The following FAM83F variants were observed in gnomAD, a reference collection of about 807,000 sequenced individuals.
The protein encoded by FAM83F is scaffolding CK1 anchoring protein F.
Under a neutral mutation model 42.9 loss-of-function variants are expected in FAM83F, and 45 were observed. The ratio of observed to expected loss-of-function variants is 1.05; its 90% CI spans 0.83 to 1.35. The LOEUF (loss-of-function observed/expected upper bound fraction) is 1.35, where lower values mean the gene tolerates loss of function less well. FAM83F is among the 40% of genes most tolerant of loss of function. The pLI, the probability that FAM83F is intolerant of heterozygous loss-of-function variation, is 0.00. For synonymous variants in FAM83F, 306 were observed against 298.3 expected, an observed-to-expected ratio of 1.03 and a Z score of -0.27; for missense variants, 617 against 695.9, an observed-to-expected ratio of 0.89 and a Z score of 1.28.
Position 40,033,608 on chromosome 22 carries a change from C to T in FAM83F, c.*4043C>T, listed in dbSNP as rs2067602891. 6.6e-6 allele frequency: 1 copy of T among 152,262 alleles called. No individual in the cohort carries two copies. Among genetic ancestry groups the T allele is most frequent in the East Asian group, 1.9e-4 (1 of 5,198 alleles). The allele number at this position is 152,262 out of a possible 1,614,324, so 9.4% of individuals were successfully genotyped here. On this transcript the variant is annotated 3_prime_UTR_variant, in exon 5 of 5. Transcript: ENST00000333407. ...TTCCACCTACTAAATGCCACTAGCA[C>T]TCCTTCAGATGAGACCACCAAAAAT... is the stretch of plus-strand genomic sequence containing the variant.
In FAM83F at chr22:40,040,404, C is replaced by T. The variant is rs553611050; in HGVS notation, c.*10839C>T. The T allele has an allele frequency of 1.3e-5, 2 of 152,258 alleles. No homozygotes were observed. The highest frequency in any genetic ancestry group is 2.1e-4 in the South Asian group (1 of 4,822). 9.4% of individuals were successfully genotyped at this position (152,258 alleles called of 1,614,324 possible). A position where few individuals can be genotyped will look rare whatever the true frequency, so the allele number is the denominator to read the frequency against. ...TAACAGCCATAATCCACGTAAAGCC[C>T]TCAGTACAGTGTATGACACACAGCA... On this transcript the variant is annotated 3_prime_UTR_variant, in exon 5 of 5. Transcript: ENST00000333407.
At chr22:40,011,006 T>C (rs2067460146) in intron 1 of FAM83F, among the ~76,000 whole-genome samples, 1 of 152,202 alleles carries the variant, frequency 6.6e-6, no homozygotes, top group Non-Finnish European at 1.5e-5. Flanking sequence ...AAGAGCTGAT[T>C]GTGCACTTTA....
Position 39,995,302 on chromosome 22 carries a change from GCAAGGC to G in FAM83F, c.274_279del (p.Lys92_Ala93del), listed in dbSNP as rs752114815. ...CCCGCCGCCAACGCCCGGGGCAAGA[GCAAGGC>G]CAAGGCCAAGGCCCCCGCGCCGGCG... On this transcript the variant is annotated inframe_deletion, in exon 1 of 5. Coordinates refer to ENST00000333407, the MANE Select transcript of FAM83F (RefSeq NM_138435.4). The surrounding 1 kb of genome is among the most constrained non-coding windows in gnomAD (Gnocchi z 4.6). The G allele has an allele frequency of 1.1e-5, 17 of 1,537,512 alleles. No individual in the cohort carries two copies. Among genetic ancestry groups the G allele is most frequent in the East Asian group, 7.3e-5 (3 of 40,842 alleles).
Position 39,995,508 on chromosome 22 carries a change from C to A in FAM83F, c.466C>A (p.Gln156Lys), listed in dbSNP as rs1297327891. The A allele has an allele frequency of 9.5e-6, 15 of 1,573,830 alleles. No homozygotes were observed. In the Admixed American group the frequency reaches 2.2e-4, roughly 23 times the overall value. Reference protein sequence around the residue: ...KAPHLKQVVRQMIQQAQKVIA... With the variant: ...KAPHLKQVVRKMIQQAQKVIA... ...GCCGCACCTCAAGCAGGTGGTCAGG[C>A]AGATGATCCAACAGGCCCAGAAGGT... Residue 156 changes from glutamine to lysine, a missense_variant, in exon 1 of 5, where the codon CAG becomes AAG. Transcript: ENST00000333407. The surrounding 1 kb of genome is among the most constrained non-coding windows in gnomAD (Gnocchi z 4.6).
At chr22:39,998,953 T>A (rs756605401) in intron 1 of FAM83F, 1 of 152,170 alleles carries the variant, frequency 6.6e-6, no homozygotes, top group Admixed American at 6.5e-5. Context: ...TGGGAAACTC[T>A]TGGTTCTTAT....
Position 40,032,198 on chromosome 22 carries a change from C to T in FAM83F, c.*2633C>T, listed in dbSNP as rs1407220639. 1.4e-5 allele frequency: 2 copies of T among 145,084 alleles called. No homozygotes were observed. The highest frequency in any genetic ancestry group is 2.5e-5 in the African/African-American group (1 of 40,264). 9.0% of individuals were successfully genotyped at this position (145,084 alleles called of 1,614,324 possible). A position where few individuals can be genotyped will look rare whatever the true frequency, so the allele number is the denominator to read the frequency against. On this transcript the variant is annotated 3_prime_UTR_variant, in exon 5 of 5. Transcript: ENST00000333407. ...CCCACCCCACACCACCACCAAGCTGCTGTCTTTCTGAGTCAGCTTCTGTAG... is the reference window on the plus strand; with the variant it reads ...CCCACCCCACACCACCACCAAGCTGTTGTCTTTCTGAGTCAGCTTCTGTAG...
rs529749049 is a variant in FAM83F, at chr22:40,023,317, C to G, written c.1453+1354C>G. Among the ~76,000 whole-genome samples, 3 of 152,082 alleles carry G rather than the reference C, an allele frequency of 2.0e-5. No homozygotes were observed. The highest frequency in any genetic ancestry group is 2.0e-4 in the Admixed American group (3 of 15,288). On this transcript the variant is annotated intron_variant, in intron 4 of 4. Transcript: ENST00000333407. The surrounding 1 kb of genome is among the most constrained non-coding windows in gnomAD (Gnocchi z 4.1). ...AGGGGTGGCTGGCCCCATCCCCATT[C>G]CTCCTGGGCTCCCTGGCTCCCCTAA...
intron 4 of FAM83F, among the ~76,000 whole-genome samples, chr22:40,029,071 T>C (rs2067571511): frequency 6.8e-6 from 1 of 146,016 alleles, no homozygotes; most frequent in Admixed American, 7.0e-5. Flanking sequence ...GAGCGGCCTC[T>C]TGGCTAGACG....
rs185056266 is a variant in FAM83F at position 40,019,260 on chromosome 22, C to T, written c.582C>T (p.Ile194=). Residue 194 remains isoleucine (I), a synonymous_variant, in exon 2 of 5, where the codon ATC becomes ATT. Coordinates refer to ENST00000333407, the MANE Select transcript of FAM83F (RefSeq NM_138435.4). ...AACKRRVPVY[I]ILDEAGVKYF... ...GTAAGCGCCGGGTCCCAGTGTACAT[C>T]ATCCTGGACGAGGCAGGAGTGAAGT... The T allele has an allele frequency of 1.5e-5, 24 of 1,614,198 alleles. No individual in the cohort carries two copies. In the East Asian group the frequency reaches 3.1e-4, roughly 21 times the overall value.
intron 2 of FAM83F, among the ~76,000 whole-genome samples, chr22:40,019,626 G>T (rs2067508932): frequency 2.0e-5 from 3 of 152,206 alleles, no homozygotes; most frequent in Non-Finnish European, 4.4e-5. Context: ...CAAAGTGAGG[G>T]CTGTTGTTCT....
chr22:40,027,030 C>A (rs1250864703), intron 4 of FAM83F, among the ~76,000 whole-genome samples: 1 of 152,120 alleles, frequency 6.6e-6, no homozygotes, highest in Non-Finnish European at 1.5e-5. Context: ...TGCTCTGTGC[C>A]AGGCCCTGCT....
rs570808507 is a variant in FAM83F, at chr22:40,023,347, A to AGCTGCTGCTGCTGCT, written c.1453+1391_1453+1405dup. On this transcript the variant is annotated intron_variant, in intron 4 of 4. Coordinates refer to ENST00000333407, the MANE Select transcript of FAM83F (RefSeq NM_138435.4). The surrounding 1 kb of genome is among the most constrained non-coding windows in gnomAD (Gnocchi z 4.1). The stretch of plus-strand genomic sequence containing the variant: ...TGGGCTCCCTGGCTCCCCTAACACC[A>AGCTGCTGCTGCTGCT]GCTGCTGCTGCTGCTGCTGCTCCTG... Among the ~76,000 whole-genome samples, 1 of 136,420 alleles carries AGCTGCTGCTGCTGCT rather than the reference A, an allele frequency of 7.3e-6. No homozygotes were observed. Among genetic ancestry groups the AGCTGCTGCTGCTGCT allele is most frequent in the Admixed American group, 6.9e-5 (1 of 14,466 alleles). 89.5% of individuals were successfully genotyped at this position (136,420 alleles called of 152,430 possible). A position where few individuals can be genotyped will look rare whatever the true frequency, so the allele number is the denominator to read the frequency against.
intron 1 of FAM83F, among the ~76,000 whole-genome samples, chr22:40,017,225 C>CTTTTTT (rs59308005): frequency 5.2e-5 from 6 of 115,580 alleles, no homozygotes; most frequent in African/African-American, 6.9e-5. Context: ...TCAGCACTTT[C>CTTTTTT]TTTTTTTTTT....
rs765878548 is a variant in FAM83F at position 40,032,847 on chromosome 22, G to A, written c.*3282G>A. 11 of 152,052 alleles carry A rather than the reference G, an allele frequency of 7.2e-5. No homozygotes were observed. The highest frequency in any genetic ancestry group is 2.7e-4 in the African/African-American group (11 of 41,372). 9.4% of individuals were successfully genotyped at this position (152,052 alleles called of 1,614,324 possible). On this transcript the variant is annotated 3_prime_UTR_variant, in exon 5 of 5. Transcript: ENST00000333407. ...GCCTCCCAAAGTGCTGGGATTACAG[G>A]CCACCGTACCCGGCCAGGCTATTTT...
Position 40,021,234 on chromosome 22 carries a change from G to A in FAM83F, c.780-56G>A. Reference sequence around the variant, plus strand: ...GGAGGGGCAGGTGGGGGCGGGGGCAGGGCAAGAGAGAGGCCTGGGCACATG... The same window carrying A: ...GGAGGGGCAGGTGGGGGCGGGGGCAAGGCAAGAGAGAGGCCTGGGCACATG... On this transcript the variant is annotated intron_variant, in intron 3 of 4. Coordinates refer to ENST00000333407, the MANE Select transcript of FAM83F (RefSeq NM_138435.4). This position sits in a 1 kb window ranked among gnomAD's most constrained non-coding sequence, Gnocchi z 8.7. The A allele has an allele frequency of 6.7e-7, 1 of 1,494,788 alleles. No individual in the cohort carries two copies. Among genetic ancestry groups the A allele is most frequent in the South Asian group, 1.3e-5 (1 of 74,174 alleles). The allele number at this position is 1,494,788 out of a possible 1,614,324, so 92.6% of individuals were successfully genotyped here. A position where few individuals can be genotyped will look rare whatever the true frequency, so the allele number is the denominator to read the frequency against.
rs916924093 is a variant in FAM83F, at chr22:40,000,811, C to G, written c.489+5280C>G. ...CCTTCCATCTAAGGGGGACAATTGA[C>G]TTTATCTAGAAGCTCGTAAGCTGCC... On this transcript the variant is annotated intron_variant, in intron 1 of 4. Transcript: ENST00000333407. Among the ~76,000 whole-genome samples the G allele has an allele frequency of 3.3e-5, 5 of 152,148 alleles. 1 individual carries two copies. Among genetic ancestry groups the G allele is most frequent in the Non-Finnish European group, 7.3e-5 (5 of 68,040 alleles).
rs2146252885 is a variant in FAM83F at position 40,039,092 on chromosome 22, C to A, written c.*9527C>A. The A allele has an allele frequency of 6.6e-6, 1 of 152,246 alleles. No homozygotes were observed. Among genetic ancestry groups the A allele is most frequent in the South Asian group, 2.1e-4 (1 of 4,822 alleles). The allele number at this position is 152,246 out of a possible 1,614,324, so 9.4% of individuals were successfully genotyped here. A position where few individuals can be genotyped will look rare whatever the true frequency, so the allele number is the denominator to read the frequency against. On this transcript the variant is annotated 3_prime_UTR_variant, in exon 5 of 5. Coordinates refer to ENST00000333407, the MANE Select transcript of FAM83F (RefSeq NM_138435.4). ...CCCATGCTTTCATTTTCCACTTAGT[C>A]CTGCCTGGCATAGTATGCAGTTTTT...
intron 1 of FAM83F, among the ~76,000 whole-genome samples, chr22:40,013,174 ATTCT>A: frequency 6.6e-6 from 1 of 150,810 alleles, no homozygotes; most frequent in South Asian, 2.1e-4. Flanking sequence ...CATTTAAGAG[ATTCT>A]TTCTTACCCC....
intron 1 of FAM83F, among the ~76,000 whole-genome samples, chr22:40,018,451 A>T (rs1021802357): frequency 1.3e-5 from 2 of 151,570 alleles, no homozygotes; most frequent in African/African-American, 2.4e-5. Flanking sequence ...CATTTTATTT[A>T]TTTATTTATT....
Sources: gnomAD v4.1 joint callset for allele counts (sites outside exome capture counted in the v4.1 genomes callset) on GRCh38, gnomAD v4.1.1 for gene constraint, Gnocchi (gnomAD v3.1) non-coding constraint, MANE v1.5 for transcripts, NCBI Gene and HGNC (gene_info 2026-07-23, HGNC 2026-07-21) for gene names.